Variants in ERG observed in about 807,000 individuals in gnomAD.
ERG encodes the protein ETS transcription factor ERG, also known as transcriptional regulator ERG.
ERG carries 9 observed loss-of-function variants against 55.3 expected under a neutral mutation model. That is an observed-to-expected ratio of 0.16 (90% CI 0.10 to 0.28). The LOEUF (loss-of-function observed/expected upper bound fraction) is 0.28. Ranked by LOEUF, ERG falls within the 10% of genes least tolerant of loss-of-function variation. The probability of loss-of-function intolerance (pLI) is 1.00; values close to 1 mark genes in which losing one functional copy is unlikely to be tolerated. For synonymous variants in ERG, 223 were observed against 237.3 expected, an observed-to-expected ratio of 0.94 and a Z score of 0.55; for missense variants, 434 against 631.6, an observed-to-expected ratio of 0.69 and a Z score of 3.35.
At chr21:38,472,963 T>TCCTCGGCTGA (rs1394660890) in intron 1 of ERG, among the ~76,000 whole-genome samples, 6 of 152,088 alleles carry the variant, frequency 3.9e-5, no homozygotes, top group African/African-American at 1.2e-4. Flanking sequence ...TGAGCTTGGC[T>TCCTCGGCTGA]CCTCGGCTGA....
intron 2 of ERG, among the ~76,000 whole-genome samples, chr21:38,529,678 T>A (rs2059658056): frequency 6.6e-6 from 1 of 152,154 alleles, no homozygotes; most frequent in Non-Finnish European, 1.5e-5. Flanking sequence ...AAGATACACA[T>A]GGCTGGCCAG....
intron 3 of ERG, among the ~76,000 whole-genome samples, chr21:38,409,423 C>T (rs1382430731): frequency 2.8e-5 from 4 of 144,230 alleles, no homozygotes; most frequent in South Asian, 2.2e-4. Context: ...GCAGAGGTTG[C>T]GATAAGCCGA....
At chr21:38,612,148 G>A (rs771580196) in intron 1 of ERG, among the ~76,000 whole-genome samples, 6 of 152,166 alleles carry the variant, frequency 3.9e-5, no homozygotes, top group Non-Finnish European at 7.3e-5. Context: ...ATCCAGCGAC[G>A]TCCTGAATGT....
intron 1 of ERG, among the ~76,000 whole-genome samples, chr21:38,598,824 A>G: frequency 6.6e-6 from 1 of 152,130 alleles, no homozygotes; most frequent in Non-Finnish European, 1.5e-5. Context: ...CAATCAACCA[A>G]AGGAGGAGTT....
At chr21:38,578,607 G>C (rs963831873) in intron 1 of ERG, among the ~76,000 whole-genome samples, 1 of 152,094 alleles carries the variant, frequency 6.6e-6, no homozygotes, top group Non-Finnish European at 1.5e-5. Context: ...AACATGGCCA[G>C]ATGCATGCGG....
chr21:38,405,879 G>T (rs985051350), intron 3 of ERG, among the ~76,000 whole-genome samples: 15 of 152,188 alleles, frequency 9.9e-5, no homozygotes, highest in Admixed American at 9.2e-4. Flanking sequence ...CAGGCCAGGC[G>T]CGGTGGCTCA....
In ERG at chr21:38,403,684, A is replaced by G. The variant is rs756997749; in HGVS notation, c.414T>C (p.His138=). ...CCGCCCACTCCAGCCACTGCCGCAC[A>G]TGGTCTGTACTCCATAGCGTAGGAT... ...PADPTLWSTD[H]VRQWLEWAVK... is the part of the protein sequence containing the mutation. Residue 138 remains histidine (H), a synonymous_variant, in exon 4 of 10, where the codon CAT becomes CAC. Coordinates refer to ENST00000288319, the MANE Select transcript of ERG (RefSeq NM_182918.4). 6.2e-7 allele frequency: 1 copy of G among 1,614,172 alleles called. No individual in the cohort carries two copies. Among genetic ancestry groups the G allele is most frequent in the South Asian group, 1.1e-5 (1 of 91,084 alleles).
chr21:38,537,440 AAAT>A (rs1555854667), intron 2 of ERG, among the ~76,000 whole-genome samples: 2 of 85,128 alleles, frequency 2.3e-5, no homozygotes, highest in Admixed American at 1.0e-4. Context: ...CCAGAAAAAA[AAAT>A]ATATATATAT....
chr21:38,465,129 G>A (rs868015494), intron 1 of ERG, among the ~76,000 whole-genome samples: 155 of 152,174 alleles, frequency 1.0e-3, no homozygotes, highest in African/African-American at 3.6e-3. Context: ...GTTTTTGCCT[G>A]TGGGATGTTA....
chr21:38,546,032 G>A (rs926004595), intron 2 of ERG, among the ~76,000 whole-genome samples: 1 of 152,130 alleles, frequency 6.6e-6, no homozygotes, highest in Non-Finnish European at 1.5e-5. Context: ...CTTGAGCCTA[G>A]AGTCATCTTT....
At chr21:38,481,138 C>G (rs1302628961) in intron 1 of ERG, among the ~76,000 whole-genome samples, 2 of 152,098 alleles carry the variant, frequency 1.3e-5, no homozygotes, top group Non-Finnish European at 2.9e-5. Flanking sequence ...CAAGTTTTTT[C>G]CAACATTTTA....
chr21:38,521,008 AT>A (rs2059590263), intron 2 of ERG, among the ~76,000 whole-genome samples: 1 of 152,140 alleles, frequency 6.6e-6, no homozygotes, highest in Admixed American at 6.6e-5. Flanking sequence ...ATTGGATCTC[AT>A]TTCTTAGTGG....
chr21:38,518,609 T>A (rs1211713354), intron 2 of ERG, among the ~76,000 whole-genome samples: 1 of 151,898 alleles, frequency 6.6e-6, no homozygotes, highest in Non-Finnish European at 1.5e-5. Context: ...GAGAAGTAAC[T>A]CATAACATCA....
In ERG at chr21:38,493,559, G is replaced by T. The variant is rs1176609783; in HGVS notation, c.18+4804C>A. On this transcript the variant is annotated intron_variant, in intron 1 of 9. Transcript: ENST00000288319. ...TATAATTTATGCTAAAGAACAAGAT[G>T]TATTTTTTGTAATTCAGGAGTAAAG... Among the ~76,000 whole-genome samples the T allele has an allele frequency of 2.0e-5, 3 of 152,204 alleles. No individual in the cohort carries two copies. In the East Asian group the frequency reaches 5.8e-4, roughly 29 times the overall value.
At chr21:38,421,170 T>C (rs898869270) in intron 3 of ERG, among the ~76,000 whole-genome samples, 1 of 152,188 alleles carries the variant, frequency 6.6e-6, no homozygotes, top group African/African-American at 2.4e-5. Flanking sequence ...CAGCAGCAAG[T>C]GAGGCAGTCT....
At chr21:38,493,649 C>T (rs1306969597) in intron 1 of ERG, among the ~76,000 whole-genome samples, 1 of 152,238 alleles carries the variant, frequency 6.6e-6, no homozygotes, top group Non-Finnish European at 1.5e-5. Flanking sequence ...AGTCATAGGC[C>T]TCTGCCCTCC....
intron 6 of ERG, among the ~76,000 whole-genome samples, chr21:38,392,648 G>C (rs1021238068): frequency 3.9e-5 from 6 of 152,130 alleles, no homozygotes; most frequent in Admixed American, 3.9e-4. Flanking sequence ...TCACCCGTTT[G>C]TCTGAAAACT....
intron 1 of ERG, among the ~76,000 whole-genome samples, chr21:38,468,851 G>C (rs1040390824): frequency 6.6e-5 from 10 of 151,862 alleles, no homozygotes; most frequent in Non-Finnish European, 2.9e-5. Flanking sequence ...CGGGCGTGGT[G>C]GTGGGCGCCT....
chr21:38,588,411 G>GT (rs1317336391), upstream of ERG, among the ~76,000 whole-genome samples: 1 of 152,166 alleles, frequency 6.6e-6, no homozygotes, highest in Non-Finnish European at 1.5e-5. Context: ...TCTGTGTTCT[G>GT]TATGGGGAGG....
Sources: gnomAD v4.1 joint callset for allele counts (sites outside exome capture counted in the v4.1 genomes callset) on GRCh38, gnomAD v4.1.1 for gene constraint, MANE v1.5 for transcripts, NCBI Gene and HGNC (gene_info 2026-07-23, HGNC 2026-07-21) for gene names.